PLXNA4: variants seen among roughly 807,000 people sequenced by gnomAD.
PLXNA4 encodes the protein plexin-A4.
In PLXNA4, 44 loss-of-function variants were observed where a neutral mutation model predicts 191.8. The ratio of observed to expected loss-of-function variants is 0.23; its 90% CI spans 0.18 to 0.29. The LOEUF (loss-of-function observed/expected upper bound fraction) is 0.29, where lower values mean the gene tolerates loss of function less well. Ranked by LOEUF, PLXNA4 falls within the 10% of genes least tolerant of loss-of-function variation. The probability of loss-of-function intolerance (pLI) is 1.00; values close to 1 mark genes in which losing one functional copy is unlikely to be tolerated. For synonymous variants in PLXNA4, 1,082 were observed against 1,009.5 expected (o/e 1.07, Z -1.36); for missense variants, 1,800 against 2,488.8 (o/e 0.72, Z 5.89).
At chr7:132,322,184 C>CTTTTTGTTTTTTTTTTTTTTTTTTTTTTT (rs1802195461) in intron 3 of PLXNA4, among the ~76,000 whole-genome samples, 1 of 122,520 alleles carries the variant, frequency 8.2e-6, no homozygotes, top group Non-Finnish European at 1.7e-5. Context: ...CCTAAAAGGG[C>CTTTTTGTTTTTTTTTTTTTTTTTTTTTTT]TTTTTTTTTT....
chr7:132,599,830 T>C (rs969355350), intron 2 of PLXNA4, among the ~76,000 whole-genome samples: 2 of 152,140 alleles, frequency 1.3e-5, no homozygotes, highest in Admixed American at 6.6e-5. Context: ...TCTTTTTTGG[T>C]GTATTTTTAC....
At chr7:132,557,928 G>GGA (rs56966838) in intron 1 of PLXNA4, among the ~76,000 whole-genome samples, 3,989 of 149,516 alleles carry the variant, frequency 0.027, 153 homozygotes, top group African/African-American at 0.09. Flanking sequence ...TTTAAGGTAG[G>GGA]GAGAGAGAGA....
intron 2 of PLXNA4, among the ~76,000 whole-genome samples, chr7:132,605,237 A>G (rs1351521048): frequency 6.6e-6 from 1 of 152,226 alleles, no homozygotes; most frequent in Non-Finnish European, 1.5e-5. Flanking sequence ...ATCCAAATCC[A>G]TGCGGCGGTG....
chr7:132,335,546 C>T (rs1802784209), intron 3 of PLXNA4, among the ~76,000 whole-genome samples: 2 of 152,186 alleles, frequency 1.3e-5, no homozygotes, highest in Admixed American at 1.3e-4. Flanking sequence ...ACACCCCCAC[C>T]CCCGGCACCG....
intron 20 of PLXNA4, among the ~76,000 whole-genome samples, chr7:132,176,706 G>A (rs1796476020): frequency 6.6e-6 from 1 of 150,982 alleles, no homozygotes; most frequent in Non-Finnish European, 1.5e-5. Flanking sequence ...GCATGGATGT[G>A]AATGAATGTA....
At chr7:132,232,052 A>T (rs1183422446) in intron 5 of PLXNA4, among the ~76,000 whole-genome samples, 1 of 152,190 alleles carries the variant, frequency 6.6e-6, no homozygotes, top group African/African-American at 2.4e-5. Context: ...TGATAGGATA[A>T]TGGAAGGCGA....
chr7:132,469,015 G>T (rs1372697178), intron 3 of PLXNA4, among the ~76,000 whole-genome samples: 1 of 149,930 alleles, frequency 6.7e-6, no homozygotes, highest in Non-Finnish European at 1.5e-5. Flanking sequence ...AGTACCAAGG[G>T]CTTCCTCTCC....
rs550443214 is a variant in PLXNA4 at position 132,640,340 on chromosome 7, C to G, written c.-87+5588G>C. On this transcript the variant is annotated intron_variant, in intron 2 of 4. Transcript: ENST00000378539. Reference sequence around the variant, plus strand: ...ACTTACACTAAATAAATGCATATAGCCATAGGTTACGGAATGCATCGCATC... The same window carrying G: ...ACTTACACTAAATAAATGCATATAGGCATAGGTTACGGAATGCATCGCATC... 4.2e-4 allele frequency among the ~76,000 whole-genome samples: 64 copies of G among 152,304 alleles called. 1 individual carries two copies. The highest frequency in any genetic ancestry group is 6.8e-3 in the Middle Eastern group (2 of 294).
At chr7:132,439,633 T>G (rs1242579240) in intron 3 of PLXNA4, among the ~76,000 whole-genome samples, 1 of 152,200 alleles carries the variant, frequency 6.6e-6, no homozygotes. Context: ...AAATAGCTTT[T>G]GGAACCAAAA....
At chr7:132,241,542 G>T (rs1297074027) in intron 4 of PLXNA4, among the ~76,000 whole-genome samples, 1 of 152,194 alleles carries the variant, frequency 6.6e-6, no homozygotes, top group South Asian at 2.1e-4. Context: ...TGTAACAAGT[G>T]CAAATGGTCA....
Position 132,147,963 on chromosome 7 carries a change from G to C in PLXNA4, c.4801C>G (p.Gln1601Glu), listed in dbSNP as rs1386564723. 1 of 1,614,156 alleles carries C rather than the reference G, an allele frequency of 6.2e-7. No homozygotes were observed. The highest frequency in any genetic ancestry group is 8.5e-7 in the Non-Finnish European group (1 of 1,180,034). Residue 1601 changes from glutamine to glutamate, a missense_variant, in exon 27 of 32, where the codon CAG becomes GAG. Coordinates refer to ENST00000321063, the MANE Select transcript of PLXNA4 (RefSeq NM_020911.2). ...DGSVVALVSKQVTAYNAVNNS... is the reference protein window; with the variant it reads ...DGSVVALVSKEVTAYNAVNNS... ...TTCACTGCGTTATAGGCTGTCACCT[G>C]CTTGGACACTAATGCCACCACGGAA...
intron 3 of PLXNA4, among the ~76,000 whole-genome samples, chr7:132,412,076 G>A (rs552487432): frequency 6.6e-6 from 1 of 152,016 alleles, no homozygotes; most frequent in Non-Finnish European, 1.5e-5. Flanking sequence ...CCTCGACTTA[G>A]AACACTCTTC....
At position 132,210,759 on chromosome 7, in the gene PLXNA4, C is replaced by G. The variant is rs117983026; in HGVS notation, c.2298+184G>C. ...GGCCCTGGGTGACCTCAGAACCCAG[C>G]ACGCTGCTGGGGCAGGTGTTGTGGG... On this transcript the variant is annotated intron_variant, in intron 10 of 31. Coordinates refer to ENST00000321063, the MANE Select transcript of PLXNA4 (RefSeq NM_020911.2). Among the ~76,000 whole-genome samples, 60 of 152,318 alleles carry G rather than the reference C, an allele frequency of 3.9e-4. 1 individual carries two copies. The East Asian group carries it at 9.3e-3, about 24-fold the overall frequency.
Position 132,485,953 on chromosome 7 carries a change from T to C in PLXNA4, c.1371+3339A>G, listed in dbSNP as rs573811863. On this transcript the variant is annotated intron_variant, in intron 3 of 31. Transcript: ENST00000321063. ...GCCTTTCAAGCAAAATAAAAAGTAATTTTGAGAGCAGCCCACGGATAGCTC... is the reference window on the plus strand; with the variant it reads ...GCCTTTCAAGCAAAATAAAAAGTAACTTTGAGAGCAGCCCACGGATAGCTC... Among the ~76,000 whole-genome samples the C allele has an allele frequency of 3.9e-5, 6 of 152,210 alleles. No homozygotes were observed. The South Asian group carries it at 1.2e-3, about 32-fold the overall frequency.
At chr7:132,412,962 G>T (rs1320626582) in intron 3 of PLXNA4, among the ~76,000 whole-genome samples, 1 of 152,134 alleles carries the variant, frequency 6.6e-6, no homozygotes, top group African/African-American at 2.4e-5. Context: ...GATGTGGAGG[G>T]ATTAGTGACT....
intron 4 of PLXNA4, among the ~76,000 whole-genome samples, chr7:132,290,813 C>T (rs931814848): frequency 6.6e-6 from 1 of 152,272 alleles, no homozygotes; most frequent in Non-Finnish European, 1.5e-5. Flanking sequence ...ACACTCCAAG[C>T]AGAAGTGTAC....
intron 3 of PLXNA4, among the ~76,000 whole-genome samples, chr7:132,351,460 T>C (rs1803481740): frequency 6.6e-6 from 1 of 152,200 alleles, no homozygotes; most frequent in Non-Finnish European, 1.5e-5. Context: ...GACTTGCCCA[T>C]GGCTGGCCAC....
At chr7:132,210,629 G>A (rs750368757) in intron 10 of PLXNA4, among the ~76,000 whole-genome samples, 11 of 152,258 alleles carry the variant, frequency 7.2e-5, no homozygotes, top group African/African-American at 2.4e-4. Flanking sequence ...GGAGCCCAGC[G>A]TCTGCCCATA....
chr7:132,477,416 T>C (rs1797173011), intron 3 of PLXNA4, among the ~76,000 whole-genome samples: 2 of 152,218 alleles, frequency 1.3e-5, no homozygotes, highest in Non-Finnish European at 2.9e-5. Context: ...GAGATCAACA[T>C]GTCCCAGACA....
Sources: allele counts gnomAD v4.1 joint callset (sites outside exome capture counted in the v4.1 genomes callset), GRCh38; gene constraint gnomAD v4.1.1; transcripts MANE v1.5; gene names NCBI Gene and HGNC (gene_info 2026-07-23, HGNC 2026-07-21).